Variants in ARFGEF3 observed in about 807,000 individuals in gnomAD.
The protein encoded by ARFGEF3 is ARFGEF family member 3, also known as brefeldin A-inhibited guanine nucleotide-exchange protein 3.
ARFGEF3 carries 96 observed loss-of-function variants against 221.7 expected under a neutral mutation model. The ratio of observed to expected loss-of-function variants is 0.43; its 90% confidence interval spans 0.37 to 0.51. ARFGEF3 has a LOEUF of 0.51. ARFGEF3 is among the 20% of genes least tolerant of loss of function. ARFGEF3 has a pLI of 0.00. For synonymous variants in ARFGEF3, 1,145 were observed against 1,126.8 expected, an observed-to-expected ratio of 1.02 and a Z score of -0.32; for missense variants, 2,410 against 2,789.9, an observed-to-expected ratio of 0.86 and a Z score of 3.07.
In ARFGEF3 at chr6:138,322,288, C is replaced by T. The variant is rs113070951; in HGVS notation, c.4766+1063C>T. The stretch of plus-strand genomic sequence containing the variant: ...CTTTCAGACTTGGACTGCAACTATA[C>T]GACTGGCTCAAGGAGAACTCATTAT... On this transcript the variant is annotated intron_variant, in intron 29 of 33. Coordinates refer to ENST00000251691, the MANE Select transcript of ARFGEF3 (RefSeq NM_020340.5). Among the ~76,000 whole-genome samples, 102 of 152,248 alleles carry T rather than the reference C, an allele frequency of 6.7e-4. 1 individual carries two copies. The highest frequency in any genetic ancestry group is 3.4e-3 in the Middle Eastern group (1 of 294).
At chr6:138,278,899 G>A (rs534005109) in intron 13 of ARFGEF3, among the ~76,000 whole-genome samples, 22 of 152,334 alleles carry the variant, frequency 1.4e-4, no homozygotes, top group African/African-American at 4.6e-4. Context: ...GGATAACCCA[G>A]TAGTTTCATC....
chr6:138,324,195 C>T (rs367550905), intron 31 of ARFGEF3, 41 bp downstream of exon 31: 685 of 1,589,998 alleles, frequency 4.3e-4, no homozygotes, highest in East Asian at 1.8e-3. Context: ...TCTAGAAACT[C>T]GAAGTGCATG....
chr6:138,310,231 G>C (rs1289499187), intron 24 of ARFGEF3, among the ~76,000 whole-genome samples: 1 of 152,174 alleles, frequency 6.6e-6, no homozygotes, highest in East Asian at 1.9e-4. Flanking sequence ...TGGGACGCCT[G>C]CTGTAATCGT....
intron 10 of ARFGEF3, among the ~76,000 whole-genome samples, chr6:138,257,682 C>A (rs565966168): frequency 6.6e-6 from 1 of 152,182 alleles, no homozygotes; most frequent in African/African-American, 2.4e-5. Flanking sequence ...CAAATGACCC[C>A]CAGCAGCCCC....
chr6:138,279,975 C>A, intron 13 of ARFGEF3, 24 bp from the exon 14 acceptor site: 1 of 1,613,024 alleles, frequency 6.2e-7, no homozygotes, highest in Non-Finnish European at 8.5e-7. Flanking sequence ...TATGTGGTCA[C>A]CTTCTCATGC....
rs749956063 is a variant in ARFGEF3 at position 138,336,365 on chromosome 6, T to C, written c.6413T>C (p.Leu2138Pro). Residue 2138 changes from leucine to proline, a missense_variant, in exon 34 of 34, where the codon CTC (leucine) becomes CCC (proline). Transcript: ENST00000251691. ...QILPDQTFTALQPAVFPCISQ... is the reference protein window; with the variant it reads ...QILPDQTFTAPQPAVFPCISQ... ...CTCCCAGACCAGACCTTCACGGCCC[T>C]CCAGCCCGCAGTGTTCCCGTGCATC... The C allele has an allele frequency of 6.2e-7, 1 of 1,611,908 alleles. No homozygotes were observed. The highest frequency in any genetic ancestry group is 8.5e-7 in the Non-Finnish European group (1 of 1,179,150).
At chr6:138,312,753 A>G (rs1266970294) in intron 25 of ARFGEF3, among the ~76,000 whole-genome samples, 2 of 152,216 alleles carry the variant, frequency 1.3e-5, no homozygotes, top group Non-Finnish European at 2.9e-5. Flanking sequence ...TCTGTTGCCC[A>G]GGCTGGTGTG....
chr6:138,208,100 C>G (rs1777656249), intron 3 of ARFGEF3, among the ~76,000 whole-genome samples: 1 of 152,036 alleles, frequency 6.6e-6, no homozygotes, highest in Non-Finnish European at 1.5e-5. Context: ...ACTTTTGTTC[C>G]TTTTTCTCTA....
At chr6:138,303,884 AAAAAG>A (rs1415871480) in intron 22 of ARFGEF3, among the ~76,000 whole-genome samples, 2 of 150,678 alleles carry the variant, frequency 1.3e-5, no homozygotes, top group African/African-American at 4.9e-5. Context: ...AAAAAAAAAA[AAAAAG>A]ATAATAGCAA....
intron 5 of ARFGEF3, among the ~76,000 whole-genome samples, chr6:138,235,772 A>G (rs1390228723): frequency 1.3e-5 from 2 of 152,162 alleles, no homozygotes; most frequent in Non-Finnish European, 2.9e-5. Context: ...CTTTCTGGGT[A>G]CCTAAAGATA....
chr6:138,282,843 G>C (rs1779220252), intron 14 of ARFGEF3, among the ~76,000 whole-genome samples: 1 of 152,182 alleles, frequency 6.6e-6, no homozygotes, highest in Non-Finnish European at 1.5e-5. Flanking sequence ...GAGGTCAGGA[G>C]TTCAAGACCA....
chr6:138,229,697 A>T, intron 4 of ARFGEF3, 87 bp from the exon 5 acceptor site: 1 of 983,790 alleles, frequency 1.0e-6, no homozygotes, highest in Non-Finnish European at 1.6e-6. Context: ...TCATAAAAAC[A>T]GGACTGCACA....
intron 22 of ARFGEF3, among the ~76,000 whole-genome samples, chr6:138,299,448 G>A (rs1345292797): frequency 6.6e-6 from 1 of 152,140 alleles, no homozygotes; most frequent in African/African-American, 2.4e-5. Flanking sequence ...TGAAGGCAAG[G>A]TAAAGAAACT....
At chr6:138,186,902 CTTTTTTTTTTTTT>C (rs71693484) in intron 2 of ARFGEF3, among the ~76,000 whole-genome samples, 3 of 76,046 alleles carry the variant, frequency 3.9e-5, no homozygotes, top group Admixed American at 2.0e-4. Context: ...CATCCTTTTT[CTTTTTTTTTTTTT>C]TTTTTTTTTT....
chr6:138,327,356 G>A (rs1295802681), intron 31 of ARFGEF3, among the ~76,000 whole-genome samples: 1 of 152,136 alleles, frequency 6.6e-6, no homozygotes, highest in East Asian at 1.9e-4. Flanking sequence ...GTTTAAGGTG[G>A]GAGGATCACT....
intron 10 of ARFGEF3, among the ~76,000 whole-genome samples, chr6:138,259,320 G>A (rs558557114): frequency 6.6e-6 from 1 of 152,364 alleles, no homozygotes; most frequent in South Asian, 2.1e-4. Context: ...TGCACTGTGT[G>A]CCTGTTGATC....
At position 138,180,219 on chromosome 6, in the gene ARFGEF3, G is replaced by A. The variant is rs140608227; in HGVS notation, c.137+9506G>A. Reference sequence around the variant, plus strand: ...AGCAAATACCCCAATAGCTGTTTTTGGCACACAGTTTGATTCTCATCAGTA... The same window carrying A: ...AGCAAATACCCCAATAGCTGTTTTTAGCACACAGTTTGATTCTCATCAGTA... On this transcript the variant is annotated intron_variant, in intron 2 of 33. Coordinates refer to ENST00000251691, the MANE Select transcript of ARFGEF3 (RefSeq NM_020340.5). Among the ~76,000 whole-genome samples, 32 of 152,266 alleles carry A rather than the reference G, an allele frequency of 2.1e-4. No individual in the cohort carries two copies. The East Asian group carries it at 5.0e-3, about 24-fold the overall frequency.
At chr6:138,279,671 T>C (rs1401032591) in intron 13 of ARFGEF3, among the ~76,000 whole-genome samples, 1 of 152,226 alleles carries the variant, frequency 6.6e-6, no homozygotes, top group Admixed American at 6.5e-5. Context: ...TCTGCTTCTG[T>C]TGGGGCTCCT....
chr6:138,336,614 T>G lies in ARFGEF3; in HGVS notation c.*128T>G. ...TACTACTGTCTCAGAGAACAGTGTT[T>G]CCTAATGTAAAAAGCCTTTCCAACC... On this transcript the variant is annotated 3_prime_UTR_variant, in exon 34 of 34. Coordinates refer to ENST00000251691, the MANE Select transcript of ARFGEF3 (RefSeq NM_020340.5). 1 of 740,640 alleles carries G rather than the reference T, an allele frequency of 1.4e-6. No homozygotes were observed. Among genetic ancestry groups the G allele is most frequent in the Non-Finnish European group, 2.1e-6 (1 of 481,962 alleles). 45.9% of individuals were successfully genotyped at this position (740,640 alleles called of 1,614,324 possible).
Sources: gnomAD v4.1 joint callset for allele counts (sites outside exome capture counted in the v4.1 genomes callset) on GRCh38, gnomAD v4.1.1 for gene constraint, MANE v1.5 for transcripts, NCBI Gene and HGNC (gene_info 2026-07-23, HGNC 2026-07-21) for gene names.